The following GRIN2A variants were observed in gnomAD, a reference collection of about 807,000 sequenced individuals.
The protein encoded by GRIN2A is glutamate ionotropic receptor NMDA type subunit 2A, also known as glutamate receptor ionotropic, NMDA 2A.
In GRIN2A, 22 loss-of-function variants were observed where a neutral mutation model predicts 113.4. The observed-to-expected ratio is 0.19, with a 90% CI of 0.14 to 0.28. The LOEUF (loss-of-function observed/expected upper bound fraction) is 0.28, where lower values mean the gene tolerates loss of function less well. Ranked by LOEUF, GRIN2A falls within the 10% of genes least tolerant of loss-of-function variation. GRIN2A has a pLI of 1.00. For synonymous variants in GRIN2A, 827 were observed against 738.4 expected (o/e 1.12, Z -1.94); for missense variants, 1,502 against 1,887.0 (o/e 0.80, Z 3.78).
chr16:9,883,113 C>T (rs11863007), intron 4 of GRIN2A, among the ~76,000 whole-genome samples: 48,960 of 151,998 alleles, frequency 0.32, 9,937 homozygotes, highest in African/African-American at 0.58. Flanking sequence ...TGAACCAGAA[C>T]TTCCATCTCT....
At chr16:9,858,562 C>T (rs150328533) in intron 4 of GRIN2A, among the ~76,000 whole-genome samples, 591 of 151,840 alleles carry the variant, frequency 3.9e-3, no homozygotes, top group Non-Finnish European at 6.0e-3. Flanking sequence ...AATAATTGAC[C>T]GCTGATGGAG....
At chr16:9,994,606 T>A (rs879759227) in intron 2 of GRIN2A, among the ~76,000 whole-genome samples, 4 of 152,090 alleles carry the variant, frequency 2.6e-5, no homozygotes, top group Non-Finnish European at 4.4e-5. Flanking sequence ...TTGATTTGTA[T>A]CAAAACAGAC....
intron 11 of GRIN2A, chr16:9,794,553 G>A (rs1902849287): frequency 6.6e-6 from 1 of 152,166 alleles, no homozygotes; most frequent in Non-Finnish European, 1.5e-5. Flanking sequence ...TGGCTTTCCG[G>A]GAAGATCATC....
chr16:10,138,429 T>C (rs760774434), intron 2 of GRIN2A, among the ~76,000 whole-genome samples: 54 of 152,064 alleles, frequency 3.6e-4, no homozygotes, highest in Admixed American at 1.0e-3. Flanking sequence ...GCGAGGAACA[T>C]CTCACACAGC....
At position 10,156,733 on chromosome 16, in the gene GRIN2A, C is replaced by T. The variant is rs560919177; in HGVS notation, c.414+23265G>A. On this transcript the variant is annotated intron_variant, in intron 2 of 12. Coordinates refer to ENST00000330684, the MANE Select transcript of GRIN2A (RefSeq NM_001134407.3). ...AAACTTAAAGGACTTAAAGGCAAAG[C>T]GGGACTAACAATGACATGTTTCACA... Among the ~76,000 whole-genome samples the T allele has an allele frequency of 4.6e-5, 7 of 152,246 alleles. No homozygotes were observed. In the South Asian group the frequency reaches 1.0e-3, roughly 23 times the overall value.
At chr16:9,953,089 G>A (rs768334283) in intron 2 of GRIN2A, among the ~76,000 whole-genome samples, 1 of 152,190 alleles carries the variant, frequency 6.6e-6, no homozygotes, top group African/African-American at 2.4e-5. Context: ...AGGCAGAAAA[G>A]CAGGCCCAGA....
intron 2 of GRIN2A, among the ~76,000 whole-genome samples, chr16:9,953,596 T>C (rs1567197533): frequency 6.6e-6 from 1 of 151,730 alleles, no homozygotes; most frequent in Non-Finnish European, 1.5e-5. Flanking sequence ...CTGGGGGCGG[T>C]AGTTGTTGAC....
At chr16:10,145,833 C>T (rs1389650244) in intron 2 of GRIN2A, among the ~76,000 whole-genome samples, 1 of 152,138 alleles carries the variant, frequency 6.6e-6, no homozygotes, top group Non-Finnish European at 1.5e-5. Flanking sequence ...TCTAATAAAA[C>T]TTTATTTACA....
At chr16:9,976,881 C>T (rs1338489187) in intron 2 of GRIN2A, among the ~76,000 whole-genome samples, 2 of 152,136 alleles carry the variant, frequency 1.3e-5, no homozygotes, top group African/African-American at 2.4e-5. Flanking sequence ...AGAACCAAGT[C>T]GTACCAGGCA....
intron 3 of GRIN2A, among the ~76,000 whole-genome samples, chr16:9,911,283 T>C (rs1274522985): frequency 6.6e-6 from 1 of 152,100 alleles, no homozygotes; most frequent in Non-Finnish European, 1.5e-5. Context: ...GGCCAGGAGT[T>C]TGAGACCAGC....
In GRIN2A at chr16:9,858,280, C is replaced by CG. The variant is rs575721537; in HGVS notation, c.1123-8320_1123-8319insC. The stretch of plus-strand genomic sequence containing the variant: ...TTCTTATAATAACAGTAAAAATTGA[C>CG]ATTCACTAGGCACTTATTATGTATC... On this transcript the variant is annotated intron_variant, in intron 4 of 12. Coordinates refer to ENST00000330684, the MANE Select transcript of GRIN2A (RefSeq NM_001134407.3). Among the ~76,000 whole-genome samples the CG allele has an allele frequency of 2.6e-3, 389 of 152,260 alleles. 3 individuals are homozygous for CG. Among genetic ancestry groups the CG allele is most frequent in the Non-Finnish European group, 4.3e-3 (290 of 68,020 alleles).
intron 2 of GRIN2A, among the ~76,000 whole-genome samples, chr16:9,960,990 G>A (rs912775297): frequency 1.3e-5 from 2 of 152,136 alleles, no homozygotes; most frequent in South Asian, 2.1e-4. Context: ...CCATTCAAGC[G>A]AGTTTGTTAT....
intron 2 of GRIN2A, chr16:10,112,775 T>G (rs1321868595): frequency 2.8e-6 from 2 of 705,990 alleles, no homozygotes; most frequent in African/African-American, 3.5e-5. Context: ...GTAACCAGCA[T>G]GGCTCCATGA....
chr16:9,965,035 C>T (rs547532263), intron 2 of GRIN2A, among the ~76,000 whole-genome samples: 1 of 152,136 alleles, frequency 6.6e-6, no homozygotes, highest in Non-Finnish European at 1.5e-5. Flanking sequence ...AATAAGCATG[C>T]AAATATAAAC....
intron 2 of GRIN2A, among the ~76,000 whole-genome samples, chr16:10,171,952 C>A (rs1405704812): frequency 6.6e-6 from 1 of 152,164 alleles, no homozygotes. Flanking sequence ...AATTTAAATT[C>A]AGGCAATCTA....
chr16:10,062,421 C>A (rs2047565150), intron 2 of GRIN2A, among the ~76,000 whole-genome samples: 1 of 152,234 alleles, frequency 6.6e-6, no homozygotes, highest in Non-Finnish European at 1.5e-5. Context: ...ACCAGACCAA[C>A]AGCATCCAGA....
chr16:10,034,097 C>A (rs775015684), intron 2 of GRIN2A, among the ~76,000 whole-genome samples: 1 of 152,148 alleles, frequency 6.6e-6, no homozygotes, highest in Non-Finnish European at 1.5e-5. Flanking sequence ...GCCAGGCGGC[C>A]GTGAGAACTG....
At chr16:10,017,499 G>A (rs1281592816) in intron 2 of GRIN2A, among the ~76,000 whole-genome samples, 1 of 152,050 alleles carries the variant, frequency 6.6e-6, no homozygotes, top group African/African-American at 2.4e-5. Flanking sequence ...GGCTTATTTC[G>A]AGCTATGTTA....
At chr16:10,051,938 C>T (rs2047367112) in intron 2 of GRIN2A, among the ~76,000 whole-genome samples, 1 of 152,226 alleles carries the variant, frequency 6.6e-6, no homozygotes, top group Admixed American at 6.5e-5. Flanking sequence ...CATAACAATG[C>T]ATTTTCATTT....
Sources: gnomAD v4.1 joint callset for allele counts (sites outside exome capture counted in the v4.1 genomes callset) on GRCh38, gnomAD v4.1.1 for gene constraint, MANE v1.5 for transcripts, NCBI Gene and HGNC (gene_info 2026-07-23, HGNC 2026-07-21) for gene names.